The following UTRN variants were observed in gnomAD, a reference collection of about 807,000 sequenced individuals.
UTRN encodes the protein utrophin.
Under a neutral mutation model 463.9 loss-of-function variants are expected in UTRN, and 283 were observed. The ratio of observed to expected loss-of-function variants is 0.61; its 90% CI spans 0.55 to 0.67. UTRN has a LOEUF of 0.67. Among genes scored for constraint, UTRN ranks in the 30% least tolerant of loss-of-function variants. UTRN has a pLI of 0.00. For missense variants in UTRN, 3,922 were observed against 4,084.3 expected (o/e 0.96, Z 1.08); for synonymous variants, 1,442 against 1,431.5 (o/e 1.01, Z -0.17).
chr6:144,336,927 C>A (rs896753969), intron 2 of UTRN, among the ~76,000 whole-genome samples: 2 of 152,096 alleles, frequency 1.3e-5, no homozygotes, highest in Non-Finnish European at 2.9e-5. Context: ...TGTAGGGTTG[C>A]GCCTGTGGCC....
intron 53 of UTRN, 83 bp downstream of exon 53, chr6:144,700,326 G>T (rs1784451370): frequency 2.8e-6 from 4 of 1,422,784 alleles, no homozygotes; most frequent in Admixed American, 4.3e-5. Context: ...ATAAGTATCA[G>T]AGTTGAACCA....
intron 53 of UTRN, among the ~76,000 whole-genome samples, chr6:144,710,413 A>C (rs1785553362): frequency 6.6e-6 from 1 of 152,172 alleles, no homozygotes; most frequent in African/African-American, 2.4e-5. Flanking sequence ...CTCAGCTCAA[A>C]ACCCTTCTCT....
intron 43 of UTRN, 27 bp from the exon 44 acceptor site, chr6:144,537,555 A>G (rs1334901957): frequency 1.0e-5 from 15 of 1,467,200 alleles, no homozygotes; most frequent in East Asian, 2.8e-5. Flanking sequence ...TTTTTCCTCA[A>G]TATTTTTAAA....
At chr6:144,528,991 G>A (rs539616852) in intron 41 of UTRN, among the ~76,000 whole-genome samples, 3 of 152,348 alleles carry the variant, frequency 2.0e-5, no homozygotes, top group Admixed American at 2.0e-4. Flanking sequence ...TGGGGGATGG[G>A]GGTGTGGTTC....
intron 34 of UTRN, among the ~76,000 whole-genome samples, chr6:144,506,781 C>T (rs928585008): frequency 2.6e-5 from 4 of 152,120 alleles, no homozygotes; most frequent in Non-Finnish European, 5.9e-5. Context: ...GTGGCATTCT[C>T]TGTATTTCCT....
At chr6:144,363,408 A>G (rs1779243589) in intron 2 of UTRN, among the ~76,000 whole-genome samples, 1 of 152,222 alleles carries the variant, frequency 6.6e-6, no homozygotes, top group African/African-American at 2.4e-5. Context: ...AAGATGGTTG[A>G]GGACTGACTT....
At position 144,487,147 on chromosome 6, in the gene UTRN, A is replaced by G. The variant is rs1792539660; in HGVS notation, c.3823-401A>G. 4.6e-5 allele frequency among the ~76,000 whole-genome samples: 7 copies of G among 151,790 alleles called. No homozygotes were observed. The South Asian group carries it at 1.5e-3, about 32-fold the overall frequency. On this transcript the variant is annotated intron_variant, in intron 28 of 74. Coordinates refer to ENST00000367545, the MANE Select transcript of UTRN (RefSeq NM_007124.3). ...TGAGCATTTCCCCATATAATTAATA[A>G]TTATTTTTAACTTTTTATTATTCAT...
In UTRN at chr6:144,819,911, C is replaced by CCTGTCT. The variant is rs1554406068; in HGVS notation, c.9358-969_9358-968insGTCTCT. Among the ~76,000 whole-genome samples the CCTGTCT allele has an allele frequency of 4.3e-3, 512 of 118,628 alleles. 3 individuals are homozygous for CCTGTCT. In the East Asian group the frequency reaches 0.056, roughly 13 times the overall value. The allele number at this position is 118,628 out of a possible 152,430, so 77.8% of individuals were successfully genotyped here. A position where few individuals can be genotyped will look rare whatever the true frequency, so the allele number is the denominator to read the frequency against. The stretch of plus-strand genomic sequence containing the variant: ...TCCTCCTCCTCCTCCTCCTCCTCCT[C>CCTGTCT]CTCTCTCTCTCTCTCTCTCTCTTTC... On this transcript the variant is annotated intron_variant, in intron 65 of 74. Coordinates refer to ENST00000367545, the MANE Select transcript of UTRN (RefSeq NM_007124.3).
intron 50 of UTRN, among the ~76,000 whole-genome samples, chr6:144,559,497 G>T (rs1261766202): frequency 6.6e-6 from 1 of 152,012 alleles, no homozygotes; most frequent in Admixed American, 6.6e-5. Flanking sequence ...TATTTTAAAT[G>T]GACATCTTTG....
intron 25 of UTRN, among the ~76,000 whole-genome samples, chr6:144,478,030 A>G (rs1045985217): frequency 2.6e-5 from 4 of 152,230 alleles, no homozygotes; most frequent in Admixed American, 2.0e-4. Context: ...ACATGTGTGA[A>G]TAATTATCTA....
At chr6:144,789,676 G>C (rs1776594199) in intron 62 of UTRN, among the ~76,000 whole-genome samples, 1 of 152,090 alleles carries the variant, frequency 6.6e-6, no homozygotes, top group Non-Finnish European at 1.5e-5. Context: ...TTAGATACTA[G>C]GTTTTTCTGA....
Position 144,421,933 on chromosome 6 carries a change from T to C in UTRN, c.197T>C (p.Leu66Pro). Residue 66 changes from leucine to proline, a missense_variant, in exon 4 of 75, where the codon CTA becomes CCA. Around this residue, in one of 3 missense-constraint regions of UTRN, gnomAD observed 264 missense variants for 327.9 expected, o/e 0.81. Coordinates refer to ENST00000367545, the MANE Select transcript of UTRN (RefSeq NM_007124.3). Reference sequence around the variant, plus strand: ...ACAGACCTCAAAGATGGAAGGAAGCTATTGGATCTTCTAGAAGGCCTCACA... The same window carrying C: ...ACAGACCTCAAAGATGGAAGGAAGCCATTGGATCTTCTAGAAGGCCTCACA... ...MFTDLKDGRKLLDLLEGLTGT... is the reference protein window; with the variant it reads ...MFTDLKDGRKPLDLLEGLTGT... The C allele has an allele frequency of 6.2e-7, 1 of 1,613,010 alleles. No homozygotes were observed. The highest frequency in any genetic ancestry group is 8.5e-7 in the Non-Finnish European group (1 of 1,179,518).
chr6:144,730,405 G>A lies in UTRN; in HGVS notation c.7858G>A (p.Val2620Ile). Reference sequence around the variant, plus strand: ...GAAAGAATATTCTGTCCTGAATGCTGTCGACCAGGCCCGAGTTTTCTTGGC... The same window carrying A: ...GAAAGAATATTCTGTCCTGAATGCTATCGACCAGGCCCGAGTTTTCTTGGC... Reference protein sequence around the residue: ...KEKEYSVLNAVDQARVFLADQ... With the variant: ...KEKEYSVLNAIDQARVFLADQ... Residue 2620 changes from valine (V) to isoleucine (I), a missense_variant, in exon 54 of 75, where the codon GTC (valine) becomes ATC (isoleucine). Val to Ile is a conservative substitution (Grantham distance 29). Around this residue, in one of 3 missense-constraint regions of UTRN, gnomAD observed 1,309 missense variants for 1,452.6 expected, o/e 0.90. Coordinates refer to ENST00000367545, the MANE Select transcript of UTRN (RefSeq NM_007124.3). The A allele has an allele frequency of 1.2e-6, 2 of 1,612,396 alleles. No individual in the cohort carries two copies. Among genetic ancestry groups the A allele is most frequent in the Non-Finnish European group, 1.7e-6 (2 of 1,179,126 alleles).
At chr6:144,817,397 A>G (rs1779184478) in intron 65 of UTRN, among the ~76,000 whole-genome samples, 1 of 152,148 alleles carries the variant, frequency 6.6e-6, no homozygotes, top group Non-Finnish European at 1.5e-5. Flanking sequence ...TTATCTTTCT[A>G]TCATAATATC....
chr6:144,438,087 G>A (rs1271556333), intron 11 of UTRN, among the ~76,000 whole-genome samples: 1 of 152,118 alleles, frequency 6.6e-6, no homozygotes, highest in Admixed American at 6.5e-5. Flanking sequence ...GCGACATGGC[G>A]AAACTCCGTC....
At chr6:144,534,295 AG>A (rs2128603352) in intron 43 of UTRN, among the ~76,000 whole-genome samples, 1 of 152,294 alleles carries the variant, frequency 6.6e-6, no homozygotes, top group Non-Finnish European at 1.5e-5. Context: ...CTCACCTCTT[AG>A]GGGACTGTTA....
chr6:144,530,359 T>C (rs923584907), intron 41 of UTRN, among the ~76,000 whole-genome samples: 5 of 152,194 alleles, frequency 3.3e-5, no homozygotes, highest in Non-Finnish European at 1.5e-5. Context: ...AGCCCCACAC[T>C]TATGACCTCA....
chr6:144,557,323 G>C lies in UTRN; in HGVS notation c.7289+12G>C. 6.2e-7 allele frequency: 1 copy of C among 1,605,002 alleles called. No homozygotes were observed. Among genetic ancestry groups the C allele is most frequent in the Non-Finnish European group, 8.5e-7 (1 of 1,175,064 alleles). On this transcript the variant is annotated intron_variant, in intron 50 of 74. Transcript: ENST00000367545. ...AATCTCAAACAAAGGTAAGTCTAAG[G>C]CCCTGGCAGGTAAATGTATATTGTC... is the stretch of plus-strand genomic sequence containing the variant.
intron 2 of UTRN, among the ~76,000 whole-genome samples, chr6:144,294,604 A>G (rs1209685071): frequency 6.6e-6 from 1 of 150,996 alleles, no homozygotes; most frequent in Non-Finnish European, 1.5e-5. Context: ...TTTGGGGGGA[A>G]ATTGGATGAA....
Sources: gnomAD v4.1 joint callset for allele counts (sites outside exome capture counted in the v4.1 genomes callset) on GRCh38, gnomAD v4.1.1 for gene constraint, gnomAD v4.1.1 regional missense constraint, MANE v1.5 for transcripts, NCBI Gene and HGNC (gene_info 2026-07-23, HGNC 2026-07-21) for gene names.